Variants in PDE10A observed in about 807,000 individuals in gnomAD.
PDE10A encodes the protein phosphodiesterase 10A, also known as cAMP and cAMP-inhibited cGMP 3',5'-cyclic phosphodiesterase 10A.
PDE10A carries 39 observed loss-of-function variants against 97.7 expected under a neutral mutation model. That is an observed-to-expected ratio of 0.40 (90% CI 0.31 to 0.52). The LOEUF is 0.52. Ranked by LOEUF, PDE10A falls within the 20% of genes least tolerant of loss-of-function variation. The pLI is 0.56. For missense variants in PDE10A, 731 were observed against 1,047.8 expected (o/e 0.70, Z 4.17); for synonymous variants, 371 against 376.8 (o/e 0.98, Z 0.18).
intron 5 of PDE10A, among the ~76,000 whole-genome samples, chr6:165,446,423 A>G (rs754971552): frequency 3.3e-5 from 5 of 152,194 alleles, no homozygotes; most frequent in Non-Finnish European, 5.9e-5. Flanking sequence ...TTTCTCAGCC[A>G]AAGTCTTCTT....
At chr6:165,459,506 TAGATAGATAGATAGATAGAC>T (rs869248094) in intron 3 of PDE10A, among the ~76,000 whole-genome samples, 804 of 63,208 alleles carry the variant, frequency 0.013, 5 homozygotes, top group African/African-American at 0.042. Flanking sequence ...GATAGATAGA[TAGATAGATAGATAGATAGAC>T]AGACAGACAG....
chr6:165,641,672 G>A (rs570425378), intron 1 of PDE10A, among the ~76,000 whole-genome samples: 1 of 152,210 alleles, frequency 6.6e-6, no homozygotes, highest in Non-Finnish European at 1.5e-5. Context: ...CCTGAGCACA[G>A]CTAAGGCAAA....
At chr6:165,646,563 A>G (rs757733606) in intron 1 of PDE10A, among the ~76,000 whole-genome samples, 11 of 152,228 alleles carry the variant, frequency 7.2e-5, no homozygotes, top group Admixed American at 4.6e-4. Context: ...ACTGCTTCTC[A>G]TGACCCCTTC....
chr6:165,528,248 T>C (rs1282572850), intron 2 of PDE10A, among the ~76,000 whole-genome samples: 1 of 152,322 alleles, frequency 6.6e-6, no homozygotes, highest in East Asian at 1.9e-4. Flanking sequence ...TGCTCACCAA[T>C]GGGTGACCTC....
rs1241022708 is a variant in PDE10A, at chr6:165,662,530, G to C, written c.282C>G (p.Val94=). ...CGAGCGCCAAGGGAGCGCGGGCCGC[G>C]ACCCAGCCGCAGCCGCCGCCGCGCG... is the stretch of plus-strand genomic sequence containing the variant. ...LSARGGGCGW[V]AARAPLALAF... is the part of the protein sequence containing the mutation. Residue 94 remains valine (V), a synonymous_variant, in exon 1 of 22, where the codon GTC becomes GTG. Transcript: ENST00000539869. The C allele has an allele frequency of 1.4e-5, 2 of 147,032 alleles. No homozygotes were observed. The highest frequency in any genetic ancestry group is 6.7e-5 in the Admixed American group (1 of 14,916). The allele number at this position is 147,032 out of a possible 1,614,324, so 9.1% of individuals were successfully genotyped here.
At chr6:165,731,244 A>T (rs1320295662) in intron 1 of PDE10A, among the ~76,000 whole-genome samples, 1 of 152,204 alleles carries the variant, frequency 6.6e-6, no homozygotes, top group Non-Finnish European at 1.5e-5. Flanking sequence ...ACAAGGAATC[A>T]GGAAACTCAT....
chr6:165,914,114 C>T (rs1435703947), intron 1 of PDE10A, among the ~76,000 whole-genome samples: 1 of 152,174 alleles, frequency 6.6e-6, no homozygotes, highest in Admixed American at 6.5e-5. Flanking sequence ...ACATATACAC[C>T]TCCTTTGGCT....
intron 1 of PDE10A, among the ~76,000 whole-genome samples, chr6:165,911,845 C>T (rs1028144048): frequency 3.3e-5 from 5 of 152,152 alleles, no homozygotes; most frequent in African/African-American, 1.2e-4. Flanking sequence ...AGAGGTCATT[C>T]ATTTCCAAGG....
chr6:165,851,770 G>A (rs1319510453), intron 1 of PDE10A, among the ~76,000 whole-genome samples: 1 of 152,070 alleles, frequency 6.6e-6, no homozygotes, highest in Non-Finnish European at 1.5e-5. Context: ...GATGTATTCT[G>A]AAAGTGAGAA....
intron 10 of PDE10A, 64 bp downstream of exon 10, chr6:165,428,594 C>A (rs1789330778): frequency 1.3e-5 from 9 of 696,656 alleles, no homozygotes; most frequent in Non-Finnish European, 2.3e-5. Flanking sequence ...AAATGTTATG[C>A]CATATATTAG....
chr6:165,627,729 A>G (rs1788451810), intron 1 of PDE10A, among the ~76,000 whole-genome samples: 1 of 152,260 alleles, frequency 6.6e-6, no homozygotes, highest in Non-Finnish European at 1.5e-5. Context: ...AGACCTGTCC[A>G]TACTTTAAGG....
Position 165,813,805 on chromosome 6 carries a change from G to A in PDE10A, c.-615+173724C>T, listed in dbSNP as rs1477587745. Among the ~76,000 whole-genome samples the A allele has an allele frequency of 3.5e-5, 5 of 144,734 alleles. No individual in the cohort carries two copies. In the South Asian group the frequency reaches 6.8e-4, roughly 20 times the overall value. The allele number at this position is 144,734 out of a possible 152,430, so 95.0% of individuals were successfully genotyped here. A position where few individuals can be genotyped will look rare whatever the true frequency, so the allele number is the denominator to read the frequency against. On this transcript the variant is annotated intron_variant, in intron 1 of 19. Transcript: ENST00000366882. ...CTAATCGCAGACAAAAAAAAAAATA[G>A]TCTGACCGTCATAGACACTCATTGA...
intron 18 of PDE10A, among the ~76,000 whole-genome samples, chr6:165,354,732 A>G (rs921330739): frequency 4.6e-5 from 7 of 152,298 alleles, no homozygotes; most frequent in African/African-American, 1.4e-4. Flanking sequence ...TACAGGGGAA[A>G]TGATGTCTGT....
intron 1 of PDE10A, among the ~76,000 whole-genome samples, chr6:165,950,194 A>G (rs911332964): frequency 1.3e-5 from 2 of 152,216 alleles, no homozygotes; most frequent in Non-Finnish European, 2.9e-5. Flanking sequence ...AATTGAATAT[A>G]TCCTGTGACC....
intron 3 of PDE10A, among the ~76,000 whole-genome samples, chr6:165,463,443 C>T (rs1778443232): frequency 6.6e-6 from 1 of 152,218 alleles, no homozygotes; most frequent in Admixed American, 6.5e-5. Context: ...ATGCAAGGAA[C>T]TGGAGTGCTT....
At chr6:165,506,792 C>A (rs516059) in intron 2 of PDE10A, among the ~76,000 whole-genome samples, 10,774 of 152,166 alleles carry the variant, frequency 0.071, 551 homozygotes, top group African/African-American at 0.14. Context: ...CTGGCACCAG[C>A]TATAAATAAC....
chr6:165,335,079 G>A (rs997001314), intron 21 of PDE10A, among the ~76,000 whole-genome samples: 2 of 152,044 alleles, frequency 1.3e-5, no homozygotes, highest in Non-Finnish European at 2.9e-5. Context: ...CACAGCTGCT[G>A]GCTATAACCC....
intron 1 of PDE10A, among the ~76,000 whole-genome samples, chr6:165,864,028 T>C (rs1284575628): frequency 1.3e-5 from 2 of 152,162 alleles, no homozygotes; most frequent in South Asian, 2.1e-4. Flanking sequence ...CTGAAATAAA[T>C]TGGGCTGTGG....
chr6:165,366,298 A>G (rs1311666634), intron 18 of PDE10A, among the ~76,000 whole-genome samples: 1 of 152,216 alleles, frequency 6.6e-6, no homozygotes, highest in Non-Finnish European at 1.5e-5. Flanking sequence ...CAAAATACAT[A>G]CAAACATCAG....
Sources: gnomAD v4.1 joint callset for allele counts (sites outside exome capture counted in the v4.1 genomes callset) on GRCh38, gnomAD v4.1.1 for gene constraint, MANE v1.5 for transcripts, NCBI Gene and HGNC (gene_info 2026-07-23, HGNC 2026-07-21) for gene names.